The following ZFYVE28 variants were observed in gnomAD, a reference collection of about 807,000 sequenced individuals.
ZFYVE28 encodes the protein lateral signaling target protein 2 homolog.
In ZFYVE28, 40 loss-of-function variants were observed where a neutral mutation model predicts 82.1. That is an observed-to-expected ratio of 0.49 (90% CI 0.38 to 0.63). The LOEUF is 0.63. Ranked by LOEUF, ZFYVE28 falls within the 30% of genes least tolerant of loss-of-function variation. ZFYVE28 has a pLI of 0.00. For synonymous variants in ZFYVE28, 612 were observed against 546.1 expected (o/e 1.12, Z -1.68); for missense variants, 1,321 against 1,242.1 (o/e 1.06, Z -0.96).
chr4:2,274,268 G>A (rs781623727), intron 8 of ZFYVE28, 52 bp from the exon 9 acceptor site: 22 of 1,581,270 alleles, frequency 1.4e-5, no homozygotes, highest in East Asian at 6.8e-5. Context: ...ATAAGGGGCC[G>A]TGGAGCCCGA....
At chr4:2,290,261 G>T (rs1449803799) in intron 8 of ZFYVE28, among the ~76,000 whole-genome samples, 1 of 152,218 alleles carries the variant, frequency 6.6e-6, no homozygotes, top group African/African-American at 2.4e-5. Flanking sequence ...CACCTGGAAG[G>T]TGTGTGACCA....
intron 8 of ZFYVE28, among the ~76,000 whole-genome samples, chr4:2,283,480 C>T (rs1049952491): frequency 1.0e-4 from 15 of 148,084 alleles, no homozygotes; most frequent in African/African-American, 2.7e-4. Context: ...TCCACCCATC[C>T]ACTCATTCAT....
At chr4:2,404,868 T>C (rs1731681232) in intron 1 of ZFYVE28, among the ~76,000 whole-genome samples, 2 of 149,074 alleles carry the variant, frequency 1.3e-5, no homozygotes, top group Admixed American at 6.7e-5. Flanking sequence ...TTTTTTTTTT[T>C]TTTTTTTTTG....
At chr4:2,388,993 T>G (rs1729552286) in intron 1 of ZFYVE28, among the ~76,000 whole-genome samples, 1 of 152,098 alleles carries the variant, frequency 6.6e-6, no homozygotes, top group Non-Finnish European at 1.5e-5. Flanking sequence ...CCACTGCCAG[T>G]AGCTGTGGCT....
At chr4:2,327,207 A>T (rs950993012) in intron 6 of ZFYVE28, among the ~76,000 whole-genome samples, 9 of 139,966 alleles carry the variant, frequency 6.4e-5, no homozygotes, top group African/African-American at 2.1e-4. Context: ...CTGAGATCGC[A>T]CCACTGCACT....
At position 2,271,773 on chromosome 4, in the gene ZFYVE28, T is replaced by G; in HGVS notation, c.2330A>C (p.Gln777Pro). Residue 777 changes from glutamine to proline, a missense_variant, in exon 11 of 13, where the codon CAG becomes CCG. By Grantham distance (76) the Gln-to-Pro change is moderately conservative. This residue lies in a region of ZFYVE28 where 978 missense variants were observed against 833.7 expected (regional missense o/e 1.17). Transcript: ENST00000290974. ...DDKEKLRKVT[Q>P]TLRSAALEDC... ...CTCCAAGGCCGCACTCCGCAGAGTCTGGGTGACTAGTGGAGAAGGGGGGCC... is the reference window on the plus strand; with the variant it reads ...CTCCAAGGCCGCACTCCGCAGAGTCGGGGTGACTAGTGGAGAAGGGGGGCC... 1 of 1,613,438 alleles carries G rather than the reference T, an allele frequency of 6.2e-7. No individual in the cohort carries two copies. Among genetic ancestry groups the G allele is most frequent in the East Asian group, 2.2e-5 (1 of 44,876 alleles).
chr4:2,414,692 T>C (rs928944754), intron 1 of ZFYVE28, among the ~76,000 whole-genome samples: 13 of 152,194 alleles, frequency 8.5e-5, no homozygotes, highest in Non-Finnish European at 1.3e-4. Context: ...ATATGCTCTT[T>C]GGTGATGGCC....
chr4:2,357,087 G>A (rs779143688), intron 1 of ZFYVE28, among the ~76,000 whole-genome samples: 8 of 152,196 alleles, frequency 5.3e-5, no homozygotes, highest in Non-Finnish European at 1.0e-4. Flanking sequence ...AGTAGAGACA[G>A]GGTTTCACTG....
Position 2,305,171 on chromosome 4 carries a change from A to G in ZFYVE28, c.1169T>C (p.Leu390Pro). 1 of 1,593,734 alleles carries G rather than the reference A, an allele frequency of 6.3e-7. No individual in the cohort carries two copies. Among genetic ancestry groups the G allele is most frequent in the Non-Finnish European group, 8.6e-7 (1 of 1,167,512 alleles). ...GGEASPGRPR[L>P]RSGSDEEERV... ...CTCCTCCTCGTCACTGCCTGACCGC[A>G]GGCGCGGTCTACCTGGAGAGGCCTC... The change falls in exon 8 of 13, where the codon CTG becomes CCG. Residue 390 changes from leucine to proline, a missense_variant. Physicochemically the swap from Leu to Pro is moderately conservative, Grantham distance 98. Around this residue, in one of 2 missense-constraint regions of ZFYVE28, gnomAD observed 978 missense variants for 833.7 expected, o/e 1.17. Coordinates refer to ENST00000290974, the MANE Select transcript of ZFYVE28 (RefSeq NM_020972.3).
In ZFYVE28 at chr4:2,378,554, C is replaced by T. The variant is rs544098250; in HGVS notation, c.40-24481G>A. Among the ~76,000 whole-genome samples the T allele has an allele frequency of 1.2e-4, 19 of 152,310 alleles. 1 individual carries two copies. In the South Asian group the frequency reaches 3.7e-3, roughly 30 times the overall value. On this transcript the variant is annotated intron_variant, in intron 1 of 12. Coordinates refer to ENST00000290974, the MANE Select transcript of ZFYVE28 (RefSeq NM_020972.3). ...TCCTCTCCACTCTCTCCCTGGGACT[C>T]CTATGAGACACTTTTTGGAACTTCT... is the stretch of plus-strand genomic sequence containing the variant.
chr4:2,299,624 AGGAAG>A (rs1217578456), intron 8 of ZFYVE28, among the ~76,000 whole-genome samples: 1 of 2,684 alleles, frequency 3.7e-4, no homozygotes, highest in Non-Finnish European at 6.9e-4. Flanking sequence ...AGAAAAGAGA[AGGAAG>A]GGAAGGGAAG....
At position 2,320,380 on chromosome 4, in the gene ZFYVE28, C is replaced by A. The variant is rs993274432; in HGVS notation, c.702-109G>T. The A allele has an allele frequency of 5.8e-6, 5 of 863,646 alleles. No homozygotes were observed. The highest frequency in any genetic ancestry group is 7.3e-6 in the Non-Finnish European group (4 of 548,852). The allele number at this position is 863,646 out of a possible 1,614,324, so 53.5% of individuals were successfully genotyped here. On this transcript the variant is annotated intron_variant, in intron 6 of 12. Coordinates refer to ENST00000290974, the MANE Select transcript of ZFYVE28 (RefSeq NM_020972.3). This position sits in a 1 kb window ranked among gnomAD's most constrained non-coding sequence, Gnocchi z 5.1. ...AACCACGCCCGCTGGGACTCTGCAG[C>A]GCCACTGTCCCAGCACGGCCGCCGC...
chr4:2,287,422 G>A lies in ZFYVE28; in HGVS notation c.2052-13206C>T, dbSNP rs1436640983. ...GCAGTGCAGATGCAGCAAGGGCCTC[G>A]GGCCTCACGTGCAGCAGCCGTAGGA... On this transcript the variant is annotated intron_variant, in intron 8 of 12. Coordinates refer to ENST00000290974, the MANE Select transcript of ZFYVE28 (RefSeq NM_020972.3). The A allele has an allele frequency of 2.6e-5, 4 of 152,254 alleles. No individual in the cohort carries two copies. The East Asian group carries it at 5.8e-4, about 22-fold the overall frequency. The allele number at this position is 152,254 out of a possible 1,614,324, so 9.4% of individuals were successfully genotyped here.
rs55924862 is a variant in ZFYVE28 at position 2,404,309 on chromosome 4, CAAAAAAAAA to C, written c.39+13967_39+13975del. The stretch of plus-strand genomic sequence containing the variant: ...TGCAGGACGGAGCGAGACTCCGCCT[CAAAAAAAAA>C]AAAAAAAAAACGCTGAAGATGGAGC... On this transcript the variant is annotated intron_variant, in intron 1 of 12. Transcript: ENST00000290974. Among the ~76,000 whole-genome samples the C allele has an allele frequency of 3.4e-3, 229 of 66,532 alleles. 5 individuals are homozygous for C. In the East Asian group the frequency reaches 0.094, roughly 27 times the overall value. The allele number at this position is 66,532 out of a possible 152,430, so 43.6% of individuals were successfully genotyped here.
At position 2,372,327 on chromosome 4, in the gene ZFYVE28, CA is replaced by C. The variant is rs1306247710; in HGVS notation, c.40-18255del. ...TCACAGGAACACAGAGGCGTGTCTT[CA>C]CAGCCCTACGCTGCCTCCCCAGCCC... On this transcript the variant is annotated intron_variant, in intron 1 of 12. Coordinates refer to ENST00000290974, the MANE Select transcript of ZFYVE28 (RefSeq NM_020972.3). The surrounding 1 kb of genome is among the most constrained non-coding windows in gnomAD (Gnocchi z 5.2). 6.6e-6 allele frequency among the ~76,000 whole-genome samples: 1 copy of C among 152,064 alleles called. No homozygotes were observed. The highest frequency in any genetic ancestry group is 1.5e-5 in the Non-Finnish European group (1 of 67,982).
chr4:2,370,178 T>G (rs1272979151), intron 1 of ZFYVE28, among the ~76,000 whole-genome samples: 1 of 152,052 alleles, frequency 6.6e-6, no homozygotes, highest in Non-Finnish European at 1.5e-5. Context: ...CCCCACTGTG[T>G]GCGACTTGGT....
At chr4:2,328,360 T>C (rs930330660) in intron 6 of ZFYVE28, among the ~76,000 whole-genome samples, 3 of 152,178 alleles carry the variant, frequency 2.0e-5, no homozygotes, top group Non-Finnish European at 4.4e-5. Context: ...ATTGAACTTA[T>C]AGAATCAGAG....
intron 8 of ZFYVE28, among the ~76,000 whole-genome samples, chr4:2,298,352 T>C (rs1714974046): frequency 1.3e-5 from 2 of 152,164 alleles, no homozygotes; most frequent in African/African-American, 4.8e-5. Flanking sequence ...TGGTCCGTTT[T>C]GCATATGACA....
intron 7 of ZFYVE28, among the ~76,000 whole-genome samples, chr4:2,311,275 C>G (rs1439684960): frequency 2.0e-5 from 3 of 152,108 alleles, no homozygotes; most frequent in Admixed American, 1.3e-4. Context: ...CTTATAATCC[C>G]AGCACTTTGG....
Sources: gnomAD v4.1 joint callset for allele counts (sites outside exome capture counted in the v4.1 genomes callset) on GRCh38, gnomAD v4.1.1 for gene constraint, gnomAD v4.1.1 regional missense constraint, Gnocchi (gnomAD v3.1) non-coding constraint, MANE v1.5 for transcripts, NCBI Gene and HGNC (gene_info 2026-07-23, HGNC 2026-07-21) for gene names.